OSBP2: variants seen among roughly 807,000 people sequenced by gnomAD.
OSBP2 encodes oxysterol-binding protein 2.
A neutral mutation model predicts 96.0 loss-of-function variants in OSBP2; 66 were observed. The observed-to-expected ratio is 0.69, with a 90% confidence interval of 0.56 to 0.84. The LOEUF (loss-of-function observed/expected upper bound fraction) is 0.84, where lower values mean the gene tolerates loss of function less well. Among genes scored for constraint, OSBP2 ranks in the 40% least tolerant of loss-of-function variants. The pLI, the probability that OSBP2 is intolerant of heterozygous loss-of-function variation, is 0.00. For missense variants in OSBP2, 1,038 were observed against 1,222.7 expected (o/e 0.85, Z 2.25); for synonymous variants, 525 against 520.9 (o/e 1.01, Z -0.11).
At position 30,881,611 on chromosome 22, in the gene OSBP2, C is replaced by G. The variant is rs1433747513; in HGVS notation, c.1108-5815C>G. 1.6e-6 allele frequency: 2 copies of G among 1,281,420 alleles called. No individual in the cohort carries two copies. Among genetic ancestry groups the G allele is most frequent in the East Asian group, 5.7e-5 (1 of 17,632 alleles). The allele number at this position is 1,281,420 out of a possible 1,614,324, so 79.4% of individuals were successfully genotyped here. A position where few individuals can be genotyped will look rare whatever the true frequency, so the allele number is the denominator to read the frequency against. On this transcript the variant is annotated intron_variant, in intron 3 of 13. Transcript: ENST00000332585. The surrounding 1 kb of genome is among the most constrained non-coding windows in gnomAD (Gnocchi z 4.5). Reference sequence around the variant, plus strand: ...CCTCCCTGGGCCCCTGGGAACCTCCCCCTGCCAGTCCCTCTGCCGGGCCCC... The same window carrying G: ...CCTCCCTGGGCCCCTGGGAACCTCCGCCTGCCAGTCCCTCTGCCGGGCCCC...
At chr22:30,841,945 C>T (rs1359397773) in intron 2 of OSBP2, among the ~76,000 whole-genome samples, 1 of 151,886 alleles carries the variant, frequency 6.6e-6, no homozygotes, top group Admixed American at 6.6e-5. Flanking sequence ...GACTCTGTCT[C>T]AAACAATTTT....
intron 2 of OSBP2, among the ~76,000 whole-genome samples, chr22:30,744,835 A>G (rs1392065935): frequency 6.6e-6 from 1 of 152,228 alleles, no homozygotes; most frequent in East Asian, 1.9e-4. Context: ...TAGCAGACAT[A>G]TACAAAACAC....
intron 2 of OSBP2, among the ~76,000 whole-genome samples, chr22:30,768,492 CA>C (rs1407913439): frequency 6.6e-6 from 1 of 152,084 alleles, no homozygotes; most frequent in East Asian, 1.9e-4. Context: ...GCCTGATCAA[CA>C]TGGCGAAACC....
intron 3 of OSBP2, among the ~76,000 whole-genome samples, chr22:30,874,358 G>C (rs985042870): frequency 6.6e-6 from 1 of 152,100 alleles, no homozygotes; most frequent in Admixed American, 6.5e-5. Flanking sequence ...GTTGCAGTGA[G>C]CCAAGATCAC....
intron 1 of OSBP2, among the ~76,000 whole-genome samples, chr22:30,728,258 T>C (rs2089685818): frequency 6.6e-6 from 1 of 151,182 alleles, no homozygotes; most frequent in Non-Finnish European, 1.5e-5. Flanking sequence ...TAGCCAGATG[T>C]GGTGGTGGGT....
intron 12 of OSBP2, among the ~76,000 whole-genome samples, chr22:30,895,793 C>T (rs2040050484): frequency 6.6e-6 from 1 of 151,778 alleles, no homozygotes; most frequent in South Asian, 2.1e-4. Flanking sequence ...CAAAAATTAG[C>T]CAGGCATGGT....
chr22:30,778,335 C>A (rs867379690), intron 2 of OSBP2, among the ~76,000 whole-genome samples: 19 of 100,664 alleles, frequency 1.9e-4, no homozygotes, highest in South Asian at 8.8e-4. Context: ...ACACACACAC[C>A]CACTGACAGC....
chr22:30,728,665 T>A lies in OSBP2; in HGVS notation c.645-12496T>A, dbSNP rs578129721. On this transcript the variant is annotated intron_variant, in intron 1 of 13. Transcript: ENST00000332585. ...GCACATGTCAACATGCCTGGCTAAC[T>A]TTTTCTTATTTTTATAGAGACAGGT... Among the ~76,000 whole-genome samples, 4 of 152,164 alleles carry A rather than the reference T, an allele frequency of 2.6e-5. No individual in the cohort carries two copies. In the South Asian group the frequency reaches 8.3e-4, roughly 32 times the overall value.
chr22:30,905,790 T>G (rs769389987), intron 12 of OSBP2, 47 bp from the exon 13 acceptor site: 1 of 1,603,470 alleles, frequency 6.2e-7, no homozygotes, highest in Non-Finnish European at 8.5e-7. Flanking sequence ...GTAGGTGTGG[T>G]CCGGCTCACA....
chr22:30,738,718 G>T (rs1419787464), intron 1 of OSBP2, among the ~76,000 whole-genome samples: 2 of 152,014 alleles, frequency 1.3e-5, no homozygotes, highest in Non-Finnish European at 2.9e-5. Flanking sequence ...CCGCCACCGT[G>T]CCCGGCTAAT....
At chr22:30,731,714 C>T (rs1477262465) in intron 1 of OSBP2, 1 of 154,638 alleles carries the variant, frequency 6.5e-6, no homozygotes, top group Non-Finnish European at 1.5e-5. Flanking sequence ...ATCCTCATTC[C>T]TTCCCTGAGC....
intron 2 of OSBP2, among the ~76,000 whole-genome samples, chr22:30,792,302 G>C (rs1398457204): frequency 6.6e-6 from 1 of 150,950 alleles, no homozygotes; most frequent in Non-Finnish European, 1.5e-5. Context: ...GACAGAGCGA[G>C]ACTCTACTGT....
intron 2 of OSBP2, among the ~76,000 whole-genome samples, chr22:30,779,121 G>A (rs1368393323): frequency 6.6e-6 from 1 of 150,404 alleles, no homozygotes; most frequent in Non-Finnish European, 1.5e-5. Flanking sequence ...TCGCTTTTTT[G>A]CCCAGGCTGG....
At chr22:30,842,899 C>G (rs920558169) in intron 2 of OSBP2, among the ~76,000 whole-genome samples, 2 of 152,174 alleles carry the variant, frequency 1.3e-5, no homozygotes, top group Non-Finnish European at 2.9e-5. Context: ...CCTGCCTCAG[C>G]TTCCTGAGCA....
intron 1 of OSBP2, among the ~76,000 whole-genome samples, chr22:30,706,808 C>A (rs1350736360): frequency 1.3e-5 from 2 of 152,136 alleles, no homozygotes; most frequent in African/African-American, 2.4e-5. Context: ...CCAGAAGGAC[C>A]CCTCCTCATT....
Position 30,695,060 on chromosome 22 carries a change from A to AAGCCCC in OSBP2, c.163_168dup (p.Gln55_Pro56dup), listed in dbSNP as rs748199026. The AAGCCCC allele has an allele frequency of 1.1e-4, 177 of 1,588,532 alleles. No individual in the cohort carries two copies. In the African/African-American group the frequency reaches 1.8e-3, roughly 16 times the overall value. ...CACGTCCGGCTCCGGGCCGGAGCCC[A>AAGCCCC]AGCCCCAGCCCCAGCCCGTGCCCGA... On this transcript the variant is annotated inframe_insertion, in exon 1 of 14. Coordinates refer to ENST00000332585, the MANE Select transcript of OSBP2 (RefSeq NM_030758.4).
At chr22:30,847,229 C>T (rs866602167) in intron 2 of OSBP2, among the ~76,000 whole-genome samples, 4 of 151,390 alleles carry the variant, frequency 2.6e-5, no homozygotes, top group Admixed American at 6.6e-5. Context: ...CTTCTTACCT[C>T]GGCCTCCCAA....
At chr22:30,768,893 G>A (rs760136456) in intron 2 of OSBP2, among the ~76,000 whole-genome samples, 3 of 152,174 alleles carry the variant, frequency 2.0e-5, no homozygotes, top group Non-Finnish European at 4.4e-5. Flanking sequence ...CATGAGCACC[G>A]GACTCTGATG....
Position 30,730,774 on chromosome 22 carries a change from CTATATATATATA to C in OSBP2, c.645-10364_645-10353del, listed in dbSNP as rs1206537838. The stretch of plus-strand genomic sequence containing the variant: ...TCTCTCTCTCTCTCTCTCTCTCTCT[CTATATATATATA>C]TATATATATATATATATATATAATT... On this transcript the variant is annotated intron_variant, in intron 1 of 13. Coordinates refer to ENST00000332585, the MANE Select transcript of OSBP2 (RefSeq NM_030758.4). 3.7e-3 allele frequency among the ~76,000 whole-genome samples: 51 copies of C among 13,836 alleles called. 1 individual carries two copies. Among genetic ancestry groups the C allele is most frequent in the South Asian group, 0.019 (5 of 258 alleles). 9.1% of individuals were successfully genotyped at this position (13,836 alleles called of 152,430 possible).
Sources: gnomAD v4.1 joint callset for allele counts (sites outside exome capture counted in the v4.1 genomes callset) on GRCh38, gnomAD v4.1.1 for gene constraint, Gnocchi (gnomAD v3.1) non-coding constraint, MANE v1.5 for transcripts, NCBI Gene and HGNC (gene_info 2026-07-23, HGNC 2026-07-21) for gene names.